Variants in ST3GAL3 observed in about 807,000 individuals in gnomAD.
ST3GAL3 encodes ST3 beta-galactoside alpha-2,3-sialyltransferase 3.
A neutral mutation model predicts 50.1 loss-of-function variants in ST3GAL3; 21 were observed. That is an observed-to-expected ratio of 0.42 (90% CI 0.30 to 0.60). The LOEUF (loss-of-function observed/expected upper bound fraction) is 0.60, where lower values mean the gene tolerates loss of function less well. Among genes scored for constraint, ST3GAL3 ranks in the 20% least tolerant of loss-of-function variants. The pLI is 0.19. For missense variants in ST3GAL3, 353 were observed against 489.4 expected (o/e 0.72, Z 2.63); for synonymous variants, 183 against 190.0 (o/e 0.96, Z 0.30).
At chr1:43,904,566 C>T (rs888734432) in intron 9 of ST3GAL3, among the ~76,000 whole-genome samples, 1 of 151,996 alleles carries the variant, frequency 6.6e-6, no homozygotes, top group Non-Finnish European at 1.5e-5. Context: ...CCTCTACCCC[C>T]AGATAAAAAT....
intron 3 of ST3GAL3, among the ~76,000 whole-genome samples, chr1:43,795,095 T>G (rs545127712): frequency 2.6e-5 from 4 of 152,284 alleles, no homozygotes; most frequent in African/African-American, 9.6e-5. Context: ...AAATGTAAAA[T>G]ATAGCAAATA....
chr1:43,715,839 G>T (rs1667118636), intron 1 of ST3GAL3, among the ~76,000 whole-genome samples: 1 of 152,156 alleles, frequency 6.6e-6, no homozygotes, highest in Non-Finnish European at 1.5e-5. Flanking sequence ...GAGAAGAATC[G>T]TGGTCACCTC....
At chr1:43,928,014 G>T (rs2084319741) in intron 11 of ST3GAL3, among the ~76,000 whole-genome samples, 2 of 152,184 alleles carry the variant, frequency 1.3e-5, no homozygotes, top group African/African-American at 4.8e-5. Flanking sequence ...GGAATATTGG[G>T]AATTTGGCTG....
intron 3 of ST3GAL3, among the ~76,000 whole-genome samples, chr1:43,814,550 A>C (rs1439692281): frequency 6.6e-6 from 1 of 152,212 alleles, no homozygotes; most frequent in African/African-American, 2.4e-5. Flanking sequence ...GGAAGCAGAT[A>C]CTGCATCTGA....
chr1:43,848,694 A>G (rs569161949), intron 5 of ST3GAL3, among the ~76,000 whole-genome samples: 89 of 152,010 alleles, frequency 5.9e-4, no homozygotes, highest in Admixed American at 2.6e-3. Flanking sequence ...GTTTTGTTTT[A>G]TTCTTTGTAA....
chr1:43,749,165 A>G (rs1443275153), intron 2 of ST3GAL3, among the ~76,000 whole-genome samples: 2 of 152,242 alleles, frequency 1.3e-5, no homozygotes, highest in Non-Finnish European at 2.9e-5. Context: ...AAAATAAGGA[A>G]CCACAATTCC....
intron 4 of ST3GAL3, among the ~76,000 whole-genome samples, chr1:43,836,535 G>A (rs990402521): frequency 1.1e-4 from 16 of 152,342 alleles, no homozygotes; most frequent in African/African-American, 3.6e-4. Context: ...ATCATTTCTG[G>A]TACCACCACC....
intron 6 of ST3GAL3, 97 bp downstream of exon 6, chr1:43,894,574 G>C: frequency 9.4e-7 from 1 of 1,061,410 alleles, no homozygotes; most frequent in Non-Finnish European, 1.5e-6. Context: ...CCCATGCTGA[G>C]AATCCACCCT....
chr1:43,741,567 T>C (rs1173012241), intron 2 of ST3GAL3, among the ~76,000 whole-genome samples: 2 of 152,206 alleles, frequency 1.3e-5, no homozygotes, highest in Non-Finnish European at 2.9e-5. Flanking sequence ...TTAATAGACG[T>C]AGGACATTGT....
intron 1 of ST3GAL3, chr1:43,709,481 T>A (rs943863762): frequency 1.3e-5 from 2 of 151,996 alleles, no homozygotes; most frequent in South Asian, 4.2e-4. Flanking sequence ...CTTTCTGGAC[T>A]CAGGCGATCC....
intron 1 of ST3GAL3, among the ~76,000 whole-genome samples, chr1:43,727,061 T>A (rs1289697474): frequency 6.6e-6 from 1 of 152,236 alleles, no homozygotes; most frequent in African/African-American, 2.4e-5. Flanking sequence ...CCCCCTTTAT[T>A]AGATTCTTAT....
chr1:43,759,258 A>G (rs911378539), intron 2 of ST3GAL3, among the ~76,000 whole-genome samples: 2 of 151,930 alleles, frequency 1.3e-5, no homozygotes, highest in South Asian at 2.1e-4. Flanking sequence ...ATCCTGGCCA[A>G]CATGGTGAAA....
At chr1:43,924,072 G>T (rs1045020417) in intron 11 of ST3GAL3, among the ~76,000 whole-genome samples, 1 of 152,134 alleles carries the variant, frequency 6.6e-6, no homozygotes, top group Non-Finnish European at 1.5e-5. Context: ...TCTACAGCAG[G>T]TTTATTCCAA....
rs79359958 is a variant in ST3GAL3 at position 43,921,507 on chromosome 1, A to G, written c.1038+579A>G. ...CGCTTGCCACACTTCTGCTTTGACCACCAGCCTTCCACTGATCCCAGCCTG... is the reference window on the plus strand; with the variant it reads ...CGCTTGCCACACTTCTGCTTTGACCGCCAGCCTTCCACTGATCCCAGCCTG... On this transcript the variant is annotated intron_variant, in intron 11 of 11. Transcript: ENST00000347631. The G allele has an allele frequency of 2.0e-3, 791 of 400,490 alleles. 5 individuals carry two copies. Among genetic ancestry groups the G allele is most frequent in the African/African-American group, 0.014 (698 of 48,738 alleles). 24.8% of individuals were successfully genotyped at this position (400,490 alleles called of 1,614,324 possible).
intron 11 of ST3GAL3, among the ~76,000 whole-genome samples, chr1:43,922,950 A>C (rs993119433): frequency 6.6e-6 from 1 of 151,760 alleles, no homozygotes; most frequent in African/African-American, 2.4e-5. Flanking sequence ...AAATACAAAA[A>C]ACTAGCCGGG....
chr1:43,772,157 C>G (rs1239110592), intron 2 of ST3GAL3: 1 of 396,784 alleles, frequency 2.5e-6, no homozygotes, highest in Non-Finnish European at 4.4e-6. Context: ...TCAAGCGATT[C>G]TCCTGCCTCA....
At chr1:43,894,217 C>T in intron 5 of ST3GAL3, 166 bp from the exon 6 acceptor site, 1 of 712,064 alleles carries the variant, frequency 1.4e-6, no homozygotes, top group Admixed American at 2.0e-5. Context: ...CAAGATCTGT[C>T]AAACCCCTCG....
chr1:43,917,226 T>C (rs1414431704), intron 9 of ST3GAL3, among the ~76,000 whole-genome samples: 5 of 151,402 alleles, frequency 3.3e-5, no homozygotes, highest in African/African-American at 7.3e-5. Flanking sequence ...CAGATTTTAA[T>C]GGTTAAAAAA....
chr1:43,830,118 G>A (rs2063348298), intron 4 of ST3GAL3, among the ~76,000 whole-genome samples: 1 of 140,108 alleles, frequency 7.1e-6, no homozygotes, highest in African/African-American at 2.6e-5. Context: ...CCCAACCTCA[G>A]CCTCCCCGGC....
Sources: allele counts gnomAD v4.1 joint callset (sites outside exome capture counted in the v4.1 genomes callset), GRCh38; gene constraint gnomAD v4.1.1; transcripts MANE v1.5; gene names NCBI Gene and HGNC (gene_info 2026-07-23, HGNC 2026-07-21).